RASA2: variants seen among roughly 807,000 people sequenced by gnomAD.
RASA2 encodes the protein ras GTPase-activating protein 2.
Under a neutral mutation model 118.2 loss-of-function variants are expected in RASA2, and 155 were observed. The observed-to-expected ratio is 1.31, with a 90% CI of 1.15 to 1.50. RASA2 has a LOEUF of 1.50. Among genes scored for constraint, RASA2 ranks in the 40% most tolerant of loss-of-function variants. The pLI is 0.00. For missense variants in RASA2, 1,016 were observed against 1,009.6 expected, an observed-to-expected ratio of 1.01 and a Z score of -0.09; for synonymous variants, 353 against 349.1, an observed-to-expected ratio of 1.01 and a Z score of -0.12.
At chr3:141,488,387 A>G (rs1168660238) in intron 1 of RASA2, among the ~76,000 whole-genome samples, 3 of 152,198 alleles carry the variant, frequency 2.0e-5, no homozygotes, top group African/African-American at 4.8e-5. Flanking sequence ...AAAGTGGCTA[A>G]CAATTCTTTC....
At chr3:141,542,691 A>G (rs541980302) in intron 5 of RASA2, among the ~76,000 whole-genome samples, 5 of 152,134 alleles carry the variant, frequency 3.3e-5, no homozygotes, top group African/African-American at 1.2e-4. Context: ...TCATTTTATC[A>G]TGTGTGTTGA....
Position 141,573,165 on chromosome 3 carries a change from T to C in RASA2, c.1303T>C (p.Ser435Pro). Residue 435 changes from serine (S) to proline (P), a missense_variant, in exon 13 of 24, where the codon TCC becomes CCC. Ser to Pro is a moderately conservative substitution (Grantham distance 74). Transcript: ENST00000286364. ...ILDEICDSSK[S>P]CEIDPIKLKE... ...TTTTCAGATATGTGACTCCTCAAAA[T>C]CCTGTGAAATCGATCCTATTAAATT... The C allele has an allele frequency of 6.5e-7, 1 of 1,547,126 alleles. No homozygotes were observed. Among genetic ancestry groups the C allele is most frequent in the Non-Finnish European group, 8.6e-7 (1 of 1,156,290 alleles).
chr3:141,607,862 ATTAC>A lies in RASA2; in HGVS notation c.2016+106_2016+109del, dbSNP rs972598841. The A allele has an allele frequency of 1.8e-5, 22 of 1,233,734 alleles. 1 individual carries two copies. Among genetic ancestry groups the A allele is most frequent in the South Asian group, 7.4e-5 (3 of 40,480 alleles). The allele number at this position is 1,233,734 out of a possible 1,614,324, so 76.4% of individuals were successfully genotyped here. ...TTAATACCTTGTATTTGTATCACCT[ATTAC>A]TTAGATATTTGTATTCAAATTTTCA... On this transcript the variant is annotated intron_variant, in intron 20 of 23. Coordinates refer to ENST00000286364, the MANE Select transcript of RASA2 (RefSeq NM_006506.5).
At position 141,613,825 on chromosome 3, in the gene RASA2, GT is replaced by G. The variant is rs1260987335; in HGVS notation, c.*1513del. 1 of 152,140 alleles carries G rather than the reference GT, an allele frequency of 6.6e-6. No individual in the cohort carries two copies. Among genetic ancestry groups the G allele is most frequent in the Non-Finnish European group, 1.5e-5 (1 of 68,022 alleles). The allele number at this position is 152,140 out of a possible 1,614,324, so 9.4% of individuals were successfully genotyped here. Reference sequence around the variant, plus strand: ...CCATAAAAGAATATAACTGAGCAATGTATTTCTCTAAATGACTTGTAAAAAT... The same window carrying G: ...CCATAAAAGAATATAACTGAGCAATGATTTCTCTAAATGACTTGTAAAAAT... On this transcript the variant is annotated 3_prime_UTR_variant, in exon 24 of 24. Coordinates refer to ENST00000286364, the MANE Select transcript of RASA2 (RefSeq NM_006506.5).
intron 5 of RASA2, among the ~76,000 whole-genome samples, chr3:141,542,892 A>G (rs974690962): frequency 6.6e-6 from 1 of 152,086 alleles, no homozygotes; most frequent in Non-Finnish European, 1.5e-5. Context: ...TGACCTTTTG[A>G]GATTGGCTTT....
intron 5 of RASA2, among the ~76,000 whole-genome samples, chr3:141,550,362 G>C (rs2082555613): frequency 6.6e-6 from 1 of 152,058 alleles, no homozygotes; most frequent in East Asian, 1.9e-4. Context: ...CAAAATAACT[G>C]GCCAATACTG....
At chr3:141,517,489 A>G (rs1291680185) in intron 3 of RASA2, among the ~76,000 whole-genome samples, 2 of 152,088 alleles carry the variant, frequency 1.3e-5, no homozygotes, top group African/African-American at 4.8e-5. Context: ...CACTTTTACA[A>G]TAACCAGATC....
intron 1 of RASA2, among the ~76,000 whole-genome samples, chr3:141,493,459 A>T (rs747256263): frequency 1.1e-4 from 16 of 152,266 alleles, no homozygotes; most frequent in South Asian, 6.2e-4. Flanking sequence ...CCCAGACTGT[A>T]CCCCAGACCT....
intron 3 of RASA2, among the ~76,000 whole-genome samples, chr3:141,524,048 T>C (rs746184700): frequency 1.5e-4 from 23 of 152,356 alleles, no homozygotes; most frequent in Non-Finnish European, 2.6e-4. Context: ...TATCTACTGC[T>C]ATGTAAGTAC....
At chr3:141,608,945 T>C (rs1471823979) in intron 21 of RASA2, among the ~76,000 whole-genome samples, 1 of 152,154 alleles carries the variant, frequency 6.6e-6, no homozygotes, top group Non-Finnish European at 1.5e-5. Context: ...TTACAAGGGA[T>C]AAGAAGGGAG....
intron 7 of RASA2, among the ~76,000 whole-genome samples, chr3:141,558,164 G>A (rs1022766954): frequency 2.0e-5 from 3 of 152,166 alleles, no homozygotes; most frequent in Non-Finnish European, 4.4e-5. Flanking sequence ...TTAAGTGAGG[G>A]TAATAAATCT....
chr3:141,534,213 G>A (rs891809305), intron 4 of RASA2, among the ~76,000 whole-genome samples: 3 of 151,980 alleles, frequency 2.0e-5, no homozygotes, highest in Admixed American at 2.0e-4. Context: ...TATTTCTTAG[G>A]CACAGTGATA....
chr3:141,510,479 G>C (rs2081935051), intron 1 of RASA2, among the ~76,000 whole-genome samples: 1 of 152,168 alleles, frequency 6.6e-6, no homozygotes, highest in Non-Finnish European at 1.5e-5. Flanking sequence ...AGATCAACAA[G>C]TTCTTGGGCC....
intron 19 of RASA2, among the ~76,000 whole-genome samples, chr3:141,592,683 C>A (rs1265931158): frequency 6.6e-6 from 1 of 151,986 alleles, no homozygotes; most frequent in African/African-American, 2.4e-5. Context: ...GGATCACATT[C>A]TGAATCTATT....
intron 21 of RASA2, 111 bp from the exon 22 acceptor site, chr3:141,609,309 C>T (rs2083599314): frequency 1.7e-6 from 1 of 585,464 alleles, no homozygotes; most frequent in East Asian, 3.3e-5. Flanking sequence ...TTCCAGACTT[C>T]CTTCTGCAAA....
intron 6 of RASA2, 63 bp from the exon 7 acceptor site, chr3:141,555,777 A>C: frequency 1.4e-6 from 2 of 1,386,552 alleles, no homozygotes; most frequent in Non-Finnish European, 2.0e-6. Flanking sequence ...GGTTGGAAAT[A>C]GCATGTTTTA....
intron 15 of RASA2, among the ~76,000 whole-genome samples, chr3:141,580,085 A>AAAAAAAAAAATAT (rs1553797703): frequency 1.7e-5 from 1 of 59,618 alleles, no homozygotes; most frequent in African/African-American, 6.8e-5. Flanking sequence ...AAAAAAAAAA[A>AAAAAAAAAAATAT]ATATATATAT....
At chr3:141,539,577 T>C (rs2082376977) in intron 4 of RASA2, among the ~76,000 whole-genome samples, 1 of 152,216 alleles carries the variant, frequency 6.6e-6, no homozygotes, top group South Asian at 2.1e-4. Flanking sequence ...TTCCTACCTC[T>C]AATGAAATCA....
intron 4 of RASA2, among the ~76,000 whole-genome samples, chr3:141,537,684 G>T (rs1306443707): frequency 6.6e-6 from 1 of 152,022 alleles, no homozygotes; most frequent in South Asian, 2.1e-4. Context: ...CAGGAGAATC[G>T]CTTGAACCCG....
Sources: allele counts gnomAD v4.1 joint callset (sites outside exome capture counted in the v4.1 genomes callset), GRCh38; gene constraint gnomAD v4.1.1; transcripts MANE v1.5; gene names NCBI Gene and HGNC (gene_info 2026-07-23, HGNC 2026-07-21).